The following SUGCT variants were observed in gnomAD, a reference collection of about 807,000 sequenced individuals.
SUGCT encodes succinyl-CoA:glutarate CoA-transferase.
SUGCT carries 41 observed loss-of-function variants against 55.0 expected under a neutral mutation model. The ratio of observed to expected loss-of-function variants is 0.74; its 90% confidence interval spans 0.58 to 0.97. The LOEUF (loss-of-function observed/expected upper bound fraction) is 0.97, where lower values mean the gene tolerates loss of function less well. Among genes scored for constraint, SUGCT ranks in the 50% least tolerant of loss-of-function variants. SUGCT has a pLI of 0.00. For missense variants in SUGCT, 568 were observed against 547.8 expected (o/e 1.04, Z -0.37); for synonymous variants, 187 against 200.4 (o/e 0.93, Z 0.56).
intron 12 of SUGCT, among the ~76,000 whole-genome samples, chr7:40,659,693 A>G (rs1434472034): frequency 6.6e-6 from 1 of 152,230 alleles, no homozygotes; most frequent in Non-Finnish European, 1.5e-5. Context: ...AATGAAAAAC[A>G]AAACAGCAGG....
intron 12 of SUGCT, among the ~76,000 whole-genome samples, chr7:40,670,168 T>TAAAAAAAAAAAAAAA (rs1801862044): frequency 1.9e-5 from 1 of 52,044 alleles, no homozygotes. Flanking sequence ...AGACTCCATC[T>TAAAAAAAAAAAAAAA]CAAAAAAAAA....
intron 11 of SUGCT, among the ~76,000 whole-genome samples, chr7:40,462,396 A>G (rs10486806): frequency 0.11 from 16,137 of 152,162 alleles, 1,162 homozygotes; most frequent in Middle Eastern, 0.19. Context: ...TCAAGTCGTG[A>G]ACTCATGAAA....
chr7:40,247,159 T>C (rs1459161314), intron 7 of SUGCT, among the ~76,000 whole-genome samples: 1 of 152,188 alleles, frequency 6.6e-6, no homozygotes, highest in East Asian at 1.9e-4. Flanking sequence ...GATGTATATT[T>C]AGCTTTAGTA....
intron 5 of SUGCT, among the ~76,000 whole-genome samples, chr7:40,189,803 G>C (rs2150734761): frequency 6.6e-6 from 1 of 152,222 alleles, no homozygotes; most frequent in East Asian, 1.9e-4. Flanking sequence ...TATGGTGCTA[G>C]CTACTATTGA....
intron 1 of SUGCT, chr7:40,153,904 T>G (rs1181123359): frequency 2.7e-6 from 1 of 377,202 alleles, no homozygotes; most frequent in Non-Finnish European, 5.3e-6. Context: ...GAAGAGAAAC[T>G]GGAACCTTCA....
At chr7:40,819,875 G>T (rs1258722622) in intron 13 of SUGCT, among the ~76,000 whole-genome samples, 9 of 152,058 alleles carry the variant, frequency 5.9e-5, no homozygotes, top group East Asian at 3.9e-4. Flanking sequence ...TTTCTTCTAG[G>T]GTTTTTATGG....
chr7:40,321,149 C>T (rs1049095218), intron 9 of SUGCT, among the ~76,000 whole-genome samples: 2 of 143,412 alleles, frequency 1.4e-5, no homozygotes, highest in Non-Finnish European at 3.0e-5. Flanking sequence ...GATCTCGGCT[C>T]ACTGCAACCT....
chr7:40,984,972 T>C, the SUGCT span, among the ~76,000 whole-genome samples: 1 of 152,310 alleles, frequency 6.6e-6, no homozygotes, highest in Admixed American at 6.5e-5. Flanking sequence ...TCTAAATGAA[T>C]ACATCTCAGC....
At chr7:40,909,839 A>G in the SUGCT span, among the ~76,000 whole-genome samples, 1 of 152,112 alleles carries the variant, frequency 6.6e-6, no homozygotes, top group Non-Finnish European at 1.5e-5. Context: ...GAAATTCCTT[A>G]CTGAGTGGCG....
At chr7:40,212,201 C>T (rs1392742432) in intron 6 of SUGCT, among the ~76,000 whole-genome samples, 1 of 151,424 alleles carries the variant, frequency 6.6e-6, no homozygotes, top group African/African-American at 2.4e-5. Flanking sequence ...CCTTCCACCT[C>T]GGTCTCCCAA....
intron 11 of SUGCT, among the ~76,000 whole-genome samples, chr7:40,493,474 A>G (rs1583825379): frequency 1.3e-5 from 2 of 152,184 alleles, no homozygotes; most frequent in South Asian, 4.1e-4. Flanking sequence ...TCATTTCTTA[A>G]GTGGAATGTT....
At chr7:41,007,823 CAAAAAAAAAAA>C in the SUGCT span, among the ~76,000 whole-genome samples, 1 of 104,292 alleles carries the variant, frequency 9.6e-6, no homozygotes, top group Non-Finnish European at 1.8e-5. Context: ...AACTGAAATC[CAAAAAAAAAAA>C]AAAAAAAAAG....
chr7:40,522,205 T>G (rs188565288), intron 12 of SUGCT, among the ~76,000 whole-genome samples: 227 of 152,252 alleles, frequency 1.5e-3, no homozygotes, highest in African/African-American at 2.8e-3. Flanking sequence ...AGTTCTTTCA[T>G]GTACCAGCAA....
At chr7:40,872,377 T>G in the SUGCT span, among the ~76,000 whole-genome samples, 1 of 152,194 alleles carries the variant, frequency 6.6e-6, no homozygotes, top group Non-Finnish European at 1.5e-5. Context: ...TTTGGCTTCT[T>G]GCAATGAATA....
At chr7:40,563,215 C>A (rs1795937360) in intron 12 of SUGCT, among the ~76,000 whole-genome samples, 1 of 152,154 alleles carries the variant, frequency 6.6e-6, no homozygotes, top group Non-Finnish European at 1.5e-5. Context: ...GTTATTCTGT[C>A]ATGTCGTTCC....
intron 9 of SUGCT, among the ~76,000 whole-genome samples, chr7:40,317,821 A>G (rs1468594068): frequency 6.6e-6 from 1 of 152,192 alleles, no homozygotes; most frequent in Non-Finnish European, 1.5e-5. Context: ...CTGACCCAAT[A>G]TGAACCTGGG....
At chr7:40,616,913 T>C (rs751765790) in intron 12 of SUGCT, among the ~76,000 whole-genome samples, 1 of 152,216 alleles carries the variant, frequency 6.6e-6, no homozygotes, top group African/African-American at 2.4e-5. Flanking sequence ...TATTTTCCCA[T>C]TTGCATGTAA....
intron 6 of SUGCT, chr7:40,217,358 G>T (rs182748040): frequency 1.5e-5 from 6 of 407,386 alleles, no homozygotes; most frequent in Non-Finnish European, 2.9e-5. Flanking sequence ...CTACAGGCTC[G>T]TGCCACTACA....
chr7:40,836,599 C>T lies in SUGCT; in HGVS notation c.1154-23717C>T, dbSNP rs539937978. Among the ~76,000 whole-genome samples the T allele has an allele frequency of 1.4e-4, 22 of 152,248 alleles. No homozygotes were observed. The South Asian group carries it at 4.1e-3, about 29-fold the overall frequency. On this transcript the variant is annotated intron_variant, in intron 13 of 13. Transcript: ENST00000335693. ...CCTCATTCTGCCCTTTTAGAGGGAC[C>T]ACCACTTCCCTCTCTCCCTCCTTCT... is the stretch of plus-strand genomic sequence containing the variant.
Sources: allele counts gnomAD v4.1 joint callset (sites outside exome capture counted in the v4.1 genomes callset), GRCh38; gene constraint gnomAD v4.1.1; transcripts MANE v1.5; gene names NCBI Gene and HGNC (gene_info 2026-07-23, HGNC 2026-07-21).